The following TOGARAM1 variants were observed in gnomAD, a reference collection of about 807,000 sequenced individuals.
TOGARAM1 encodes TOG array regulator of axonemal microtubules protein 1.
Under a neutral mutation model 166.6 loss-of-function variants are expected in TOGARAM1, and 100 were observed. That is an observed-to-expected ratio of 0.60 (90% CI 0.51 to 0.71). The LOEUF is 0.71. Ranked by LOEUF, TOGARAM1 falls within the 30% of genes least tolerant of loss-of-function variation. The pLI, the probability that TOGARAM1 is intolerant of heterozygous loss-of-function variation, is 0.00. For missense variants in TOGARAM1, 2,029 were observed against 2,102.7 expected (o/e 0.96, Z 0.69); for synonymous variants, 758 against 763.8 (o/e 0.99, Z 0.13).
In TOGARAM1 at chr14:45,043,800, A is replaced by C. The variant is rs1881845256; in HGVS notation, c.3918+9A>C. On this transcript the variant is annotated intron_variant, in intron 12 of 19. Transcript: ENST00000361462. ...TTGCAGTTGTTCAAGAGGTAAACTT[A>C]TTTTTCAGATGAGTTAAGGATTGTT... 6.9e-7 allele frequency: 1 copy of C among 1,440,810 alleles called. No individual in the cohort carries two copies. The highest frequency in any genetic ancestry group is 9.8e-7 in the Non-Finnish European group (1 of 1,022,352). 89.3% of individuals were successfully genotyped at this position (1,440,810 alleles called of 1,614,324 possible).
intron 1 of TOGARAM1, among the ~76,000 whole-genome samples, chr14:44,989,405 A>C (rs1181683078): frequency 6.6e-6 from 1 of 152,184 alleles, no homozygotes; most frequent in African/African-American, 2.4e-5. Flanking sequence ...CTGATCATTG[A>C]ATGTTATAAA....
At chr14:45,064,942 T>C (rs751705009) in intron 16 of TOGARAM1, among the ~76,000 whole-genome samples, 2 of 151,442 alleles carry the variant, frequency 1.3e-5, no homozygotes, top group Non-Finnish European at 2.9e-5. Flanking sequence ...TCATTAGCTG[T>C]ATCTTTTTGT....
At chr14:45,024,275 A>G (rs1030040836) in intron 7 of TOGARAM1, among the ~76,000 whole-genome samples, 1 of 152,192 alleles carries the variant, frequency 6.6e-6, no homozygotes, top group African/African-American at 2.4e-5. Context: ...TTAGCAAACT[A>G]GATTCCATGA....
At chr14:45,024,139 C>T (rs1594666965) in intron 7 of TOGARAM1, among the ~76,000 whole-genome samples, 1 of 152,280 alleles carries the variant, frequency 6.6e-6, no homozygotes, top group Non-Finnish European at 1.5e-5. Flanking sequence ...TGTGCTCTTG[C>T]ACTTTTAATA....
chr14:45,018,474 C>T (rs914575224), intron 7 of TOGARAM1, among the ~76,000 whole-genome samples: 9 of 152,152 alleles, frequency 5.9e-5, no homozygotes, highest in African/African-American at 9.7e-5. Flanking sequence ...GAACTCCTGG[C>T]CTCAAGTGAT....
At position 45,011,501 on chromosome 14, in the gene TOGARAM1, A is replaced by G. The variant is rs540935921; in HGVS notation, c.3138-474A>G. Among the ~76,000 whole-genome samples the G allele has an allele frequency of 2.0e-4, 31 of 151,978 alleles. No homozygotes were observed. In the East Asian group the frequency reaches 6.0e-3, roughly 29 times the overall value. On this transcript the variant is annotated intron_variant, in intron 6 of 19. Transcript: ENST00000361462. ...TTAATTTTTTAGTTTTTTTGTAGAG[A>G]TGGAGTTTTGCGATGGTGCCCAGGC...
rs1307939118 is a variant in TOGARAM1, at chr14:45,004,165, C to T, written c.2443C>T (p.Leu815Phe). Residue 815 changes from leucine (L) to phenylalanine (F), a missense_variant, in exon 4 of 20, where the codon CTT (leucine) becomes TTT (phenylalanine). Physicochemically the swap from Leu to Phe is conservative, Grantham distance 22 (BLOSUM62 0). Transcript: ENST00000361462. ...GQNPSPGAYI[L>F]PSYPVSSPRT... ...AAATCCAAGTCCAGGAGCTTACATCCTTCCATCCTATCCTGTCTCATCACC... is the reference window on the plus strand; with the variant it reads ...AAATCCAAGTCCAGGAGCTTACATCTTTCCATCCTATCCTGTCTCATCACC... 1.2e-6 allele frequency: 2 copies of T among 1,614,050 alleles called. No homozygotes were observed. Among genetic ancestry groups the T allele is most frequent in the East Asian group, 4.5e-5 (2 of 44,856 alleles).
chr14:45,038,314 A>C (rs572855929), intron 11 of TOGARAM1, among the ~76,000 whole-genome samples: 1 of 152,336 alleles, frequency 6.6e-6, no homozygotes, highest in East Asian at 1.9e-4. Context: ...GCTCAGGCCC[A>C]CTTGGGCTCT....
chr14:45,039,962 C>T (rs1318767467), intron 11 of TOGARAM1, among the ~76,000 whole-genome samples: 1 of 152,180 alleles, frequency 6.6e-6, no homozygotes, highest in Admixed American at 6.5e-5. Context: ...CTGCCACTGC[C>T]ATCAATGTGA....
intron 11 of TOGARAM1, among the ~76,000 whole-genome samples, chr14:45,034,390 T>C (rs1347049945): frequency 6.6e-6 from 1 of 152,102 alleles, no homozygotes; most frequent in Non-Finnish European, 1.5e-5. Flanking sequence ...GACTAGACTT[T>C]GCAGGACAGA....
intron 2 of TOGARAM1, among the ~76,000 whole-genome samples, chr14:44,998,528 TA>T (rs1289608478): frequency 6.6e-6 from 1 of 152,096 alleles, no homozygotes; most frequent in African/African-American, 2.4e-5. Flanking sequence ...CAGCCTTAAA[TA>T]ACTGAGGCAG....
At chr14:45,050,388 G>A (rs1254951140) in intron 14 of TOGARAM1, among the ~76,000 whole-genome samples, 1 of 152,068 alleles carries the variant, frequency 6.6e-6, no homozygotes. Flanking sequence ...GAGTAGCTGG[G>A]ACTACAGGCG....
At chr14:44,984,042 A>C (rs1462201487) in intron 1 of TOGARAM1, among the ~76,000 whole-genome samples, 2 of 152,160 alleles carry the variant, frequency 1.3e-5, no homozygotes, top group Non-Finnish European at 2.9e-5. Flanking sequence ...GAACAATAAG[A>C]ATATTAATTG....
At chr14:45,011,392 A>G (rs1156996806) in intron 6 of TOGARAM1, among the ~76,000 whole-genome samples, 1 of 152,178 alleles carries the variant, frequency 6.6e-6, no homozygotes, top group East Asian at 1.9e-4. Flanking sequence ...AGCTCACTGC[A>G]ACCCCTGCCT....
chr14:45,052,074 G>A (rs972082659), intron 14 of TOGARAM1, among the ~76,000 whole-genome samples: 3 of 152,156 alleles, frequency 2.0e-5, no homozygotes, highest in Non-Finnish European at 4.4e-5. Flanking sequence ...GTGATCATAT[G>A]GCTGAGTGGG....
In TOGARAM1 at chr14:45,025,484, A is replaced by G. The variant is rs572153383; in HGVS notation, c.3239-299A>G. On this transcript the variant is annotated intron_variant, in intron 7 of 19. Coordinates refer to ENST00000361462, the MANE Select transcript of TOGARAM1 (RefSeq NM_001308120.2). Reference sequence around the variant, plus strand: ...GAGGCTGAGGCAGGAGAATCGCTTGAACCCAGGAGGTGGAGGTAGCAGTGA... The same window carrying G: ...GAGGCTGAGGCAGGAGAATCGCTTGGACCCAGGAGGTGGAGGTAGCAGTGA... The G allele has an allele frequency of 1.5e-3, 303 of 207,858 alleles. 4 individuals are homozygous for G. Among genetic ancestry groups the G allele is most frequent in the African/African-American group, 6.5e-3 (276 of 42,516 alleles). The allele number at this position is 207,858 out of a possible 1,614,324, so 12.9% of individuals were successfully genotyped here. A position where few individuals can be genotyped will look rare whatever the true frequency, so the allele number is the denominator to read the frequency against.
chr14:45,028,605 A>G (rs1341713922), intron 10 of TOGARAM1, among the ~76,000 whole-genome samples: 2 of 152,144 alleles, frequency 1.3e-5, no homozygotes, highest in Non-Finnish European at 2.9e-5. Flanking sequence ...GTGGTATCCC[A>G]TTTTATAGTA....
At chr14:45,043,630 C>T (rs561040420) in intron 11 of TOGARAM1, 56 bp from the exon 12 acceptor site, 2 of 939,070 alleles carry the variant, frequency 2.1e-6, no homozygotes, top group South Asian at 2.6e-5. Flanking sequence ...CATTTGTGAT[C>T]CTGTTCCAGT....
intron 14 of TOGARAM1, among the ~76,000 whole-genome samples, chr14:45,047,554 TAA>T (rs1882135216): frequency 6.6e-6 from 1 of 152,120 alleles, no homozygotes; most frequent in African/African-American, 2.4e-5. Flanking sequence ...AACAACACAA[TAA>T]TTAAGATGTG....
Sources: allele counts gnomAD v4.1 joint callset (sites outside exome capture counted in the v4.1 genomes callset), GRCh38; gene constraint gnomAD v4.1.1; transcripts MANE v1.5; gene names NCBI Gene and HGNC (gene_info 2026-07-23, HGNC 2026-07-21).